PRKAR1A: variants seen among roughly 807,000 people sequenced by gnomAD.
The protein encoded by PRKAR1A is protein kinase cAMP-dependent type I regulatory subunit alpha, also known as cAMP-dependent protein kinase type I-alpha regulatory subunit.
A neutral mutation model predicts 52.0 loss-of-function variants in PRKAR1A; 3 were observed. That is an observed-to-expected ratio of 0.06 (90% CI 0.03 to 0.15). The LOEUF is 0.15. Ranked by LOEUF, PRKAR1A falls within the 10% of genes least tolerant of loss-of-function variation. The probability of loss-of-function intolerance (pLI) is 1.00; values close to 1 mark genes in which losing one functional copy is unlikely to be tolerated. For synonymous variants in PRKAR1A, 188 were observed against 168.4 expected (o/e 1.12, Z -0.90); for missense variants, 240 against 477.4 (o/e 0.50, Z 4.63).
At chr17:68,430,073 G>A in the PRKAR1A span, 1 of 1,614,212 alleles carries the variant, frequency 6.2e-7, no homozygotes, top group Non-Finnish European at 8.5e-7. Flanking sequence ...GATGCATCAT[G>A]TCTGACACCT....
chr17:68,490,962 T>C, the PRKAR1A span, among the ~76,000 whole-genome samples: 2 of 152,204 alleles, frequency 1.3e-5, no homozygotes, highest in African/African-American at 2.4e-5. Context: ...AATGGTAATC[T>C]GTTAGCCTGG....
At chr17:68,417,057 A>G in the PRKAR1A span, among the ~76,000 whole-genome samples, 3 of 152,078 alleles carry the variant, frequency 2.0e-5, no homozygotes, top group Admixed American at 6.6e-5. Context: ...TTGTTTTGTC[A>G]TATTAATTAC....
At chr17:68,483,892 A>G in the PRKAR1A span, among the ~76,000 whole-genome samples, 1 of 151,978 alleles carries the variant, frequency 6.6e-6, no homozygotes, top group Non-Finnish European at 1.5e-5. Context: ...AAGAAAAAAA[A>G]TCAATTGTCC....
intron 11 of PRKAR1A, chr17:68,540,934 A>T: frequency 2.5e-6 from 4 of 1,597,386 alleles, no homozygotes; most frequent in Non-Finnish European, 3.4e-6. Context: ...TCACTGTGTC[A>T]CAGTAAAGGG....
At chr17:68,496,028 TCTCCCCTC>T in the PRKAR1A span, among the ~76,000 whole-genome samples, 1 of 870 alleles carries the variant, frequency 1.1e-3, no homozygotes, top group African/African-American at 6.5e-3. Flanking sequence ...GCTCCCCTCC[TCTCCCCTC>T]CTCTCCTCTC....
At chr17:68,426,254 G>GGGGGCCCCCCCCCCC in the PRKAR1A span, 2 of 816,916 alleles carry the variant, frequency 2.4e-6, no homozygotes, top group Non-Finnish European at 1.9e-6. Context: ...GGGAGCGGGG[G>GGGGGCCCCCCCCCCC]CTCAAATAAA....
the PRKAR1A span, among the ~76,000 whole-genome samples, chr17:68,495,431 G>C: frequency 6.6e-6 from 1 of 152,110 alleles, no homozygotes; most frequent in East Asian, 1.9e-4. Flanking sequence ...TGCCTGGACT[G>C]ACGTTCCCAT....
At chr17:68,527,938 G>C in intron 8 of PRKAR1A, 38 bp downstream of exon 8, 1 of 1,519,340 alleles carries the variant, frequency 6.6e-7, no homozygotes, top group East Asian at 2.3e-5. Flanking sequence ...TAGTATGTGA[G>C]ATACCCCTGA....
chr17:68,424,288 T>A, the PRKAR1A span, among the ~76,000 whole-genome samples: 2 of 152,190 alleles, frequency 1.3e-5, no homozygotes, highest in African/African-American at 4.8e-5. Flanking sequence ...AAGCTCACGC[T>A]GCGACCGACC....
chr17:68,480,910 GAAA>G, the PRKAR1A span, among the ~76,000 whole-genome samples: 1 of 152,334 alleles, frequency 6.6e-6, no homozygotes, highest in African/African-American at 2.4e-5. Context: ...AGTAGACCTT[GAAA>G]GTCCTCAGTT....
At chr17:68,476,526 G>A in the PRKAR1A span, among the ~76,000 whole-genome samples, 1 of 152,066 alleles carries the variant, frequency 6.6e-6, no homozygotes, top group East Asian at 1.9e-4. Flanking sequence ...TTTCCTCCCG[G>A]GGCAACCACT....
At chr17:68,496,103 G>A in the PRKAR1A span, among the ~76,000 whole-genome samples, 12 of 107,702 alleles carry the variant, frequency 1.1e-4, no homozygotes, top group South Asian at 1.4e-3. Context: ...GTGCAGTGGC[G>A]CTATCTCGGC....
the PRKAR1A span, among the ~76,000 whole-genome samples, chr17:68,502,755 GAA>G: frequency 1.5e-4 from 13 of 86,310 alleles, no homozygotes; most frequent in African/African-American, 4.0e-4. Context: ...TTCATCTCAG[GAA>G]AAAAAAAAAA....
At chr17:68,489,842 C>A in the PRKAR1A span, among the ~76,000 whole-genome samples, 2 of 152,154 alleles carry the variant, frequency 1.3e-5, no homozygotes, top group Non-Finnish European at 2.9e-5. Flanking sequence ...AGGCGTGAGG[C>A]ACCACGCCTG....
chr17:68,535,472 A>C, downstream of PRKAR1A: 1 of 453,992 alleles, frequency 2.2e-6, no homozygotes, highest in South Asian at 1.6e-5. Flanking sequence ...ATTTTGTGCT[A>C]TTCTTTGAAT....
the PRKAR1A span, chr17:68,450,930 A>G: frequency 6.3e-7 from 1 of 1,597,650 alleles, no homozygotes; most frequent in East Asian, 2.2e-5. Context: ...GGTTACATGG[A>G]TTGATCACTT....
At chr17:68,474,272 G>C in the PRKAR1A span, among the ~76,000 whole-genome samples, 11 of 152,276 alleles carry the variant, frequency 7.2e-5, no homozygotes, top group South Asian at 2.3e-3. Flanking sequence ...TTTCCCTGGG[G>C]CTAAGTTTTT....
intron 1 of PRKAR1A, 82 bp from the exon 2 acceptor site, chr17:68,515,312 C>T: frequency 6.7e-7 from 1 of 1,503,434 alleles, no homozygotes; most frequent in Non-Finnish European, 9.1e-7. Context: ...AATCAGTTGT[C>T]TAATGAATTT....
intron 11 of PRKAR1A, chr17:68,543,605 C>T (rs761798769): frequency 1.2e-6 from 2 of 1,607,910 alleles, no homozygotes; most frequent in Non-Finnish European, 8.5e-7. Flanking sequence ...TAGGCAATGC[C>T]ATCTCCATGG....
Sources: allele counts gnomAD v4.1 joint callset (sites outside exome capture counted in the v4.1 genomes callset), GRCh38; gene constraint gnomAD v4.1.1; transcripts MANE v1.5; gene names NCBI Gene and HGNC (gene_info 2026-07-23, HGNC 2026-07-21).